DTNB: variants seen among roughly 807,000 people sequenced by gnomAD.
The protein encoded by DTNB is dystrobrevin beta.
DTNB carries 63 observed loss-of-function variants against 90.7 expected under a neutral mutation model. That is an observed-to-expected ratio of 0.69 (90% CI 0.57 to 0.86). The LOEUF is 0.86. DTNB is among the 40% of genes least tolerant of loss of function. The pLI, the probability that DTNB is intolerant of heterozygous loss-of-function variation, is 0.00. For missense variants in DTNB, 744 were observed against 807.1 expected, an observed-to-expected ratio of 0.92 and a Z score of 0.95; for synonymous variants, 277 against 286.7, an observed-to-expected ratio of 0.97 and a Z score of 0.34.
chr2:25,649,978 T>C (rs1244154368), intron 2 of DTNB: 1 of 980,092 alleles, frequency 1.0e-6, no homozygotes, highest in Admixed American at 6.2e-5. Flanking sequence ...CCCATGCAAT[T>C]CTTCCTGTGA....
intron 8 of DTNB, among the ~76,000 whole-genome samples, chr2:25,547,813 T>C (rs867263971): frequency 3.0e-4 from 46 of 152,208 alleles, no homozygotes; most frequent in African/African-American, 1.0e-3. Flanking sequence ...GGAATGTAGA[T>C]CTTTGATTCT....
chr2:25,379,465 C>A, intron 19 of DTNB, 142 bp from the exon 20 acceptor site: 1 of 1,108,852 alleles, frequency 9.0e-7, no homozygotes, highest in Non-Finnish European at 1.2e-6. Context: ...TGACTTTTCC[C>A]ACCCAGGTAT....
intron 16 of DTNB, among the ~76,000 whole-genome samples, chr2:25,407,453 G>A (rs1364843686): frequency 6.6e-6 from 1 of 152,136 alleles, no homozygotes; most frequent in Non-Finnish European, 1.5e-5. Context: ...GTCATTATAT[G>A]AAAAAGACAC....
rs139983639 is a variant in DTNB at position 25,391,084 on chromosome 2, G to A, written c.1576-2723C>T. ...GCTAATTTTTTGTATTTTTCGTAGA[G>A]ACAGGGTTTCACCATGTTAGCCAGG... On this transcript the variant is annotated intron_variant, in intron 16 of 20. Transcript: ENST00000406818. Among the ~76,000 whole-genome samples the A allele has an allele frequency of 8.7e-3, 1,325 of 151,754 alleles. 11 individuals are homozygous for A. The highest frequency in any genetic ancestry group is 0.025 in the East Asian group (126 of 5,116).
intron 12 of DTNB, among the ~76,000 whole-genome samples, chr2:25,436,710 A>G (rs1172466633): frequency 6.6e-6 from 1 of 151,964 alleles, no homozygotes; most frequent in Non-Finnish European, 1.5e-5. Flanking sequence ...TAAATTTTCT[A>G]TATTGTAGTC....
intron 8 of DTNB, among the ~76,000 whole-genome samples, chr2:25,546,479 T>C (rs1191691024): frequency 6.6e-6 from 1 of 152,220 alleles, no homozygotes; most frequent in Admixed American, 6.5e-5. Context: ...CCCTCTTTGT[T>C]TTAAGGAGGC....
At chr2:25,518,531 C>T (rs955074321) in intron 9 of DTNB, among the ~76,000 whole-genome samples, 10 of 152,018 alleles carry the variant, frequency 6.6e-5, no homozygotes, top group African/African-American at 2.2e-4. Context: ...CATATATATG[C>T]ACATGTGTGA....
rs3041261 is a variant in DTNB, at chr2:25,382,519, CTTTTTTTTTTTTT to C, written c.1879+1304_1879+1316del. On this transcript the variant is annotated intron_variant, in intron 19 of 20. Transcript: ENST00000406818. ...GAGTCAGAAAGACCCAGTTCTCTGCCTTTTTTTTTTTTTTTTTTTTTTTTTTTGAGACAGAGTC... is the reference window on the plus strand; with the variant it reads ...GAGTCAGAAAGACCCAGTTCTCTGCCTTTTTTTTTTTTTTGAGACAGAGTC... 6.2e-4 allele frequency among the ~76,000 whole-genome samples: 45 copies of C among 72,052 alleles called. 1 individual carries two copies. The East Asian group carries it at 0.012, about 20-fold the overall frequency. The allele number at this position is 72,052 out of a possible 152,430, so 47.3% of individuals were successfully genotyped here.
chr2:25,534,002 AT>A (rs1363985383), intron 8 of DTNB, among the ~76,000 whole-genome samples: 8 of 139,456 alleles, frequency 5.7e-5, no homozygotes, highest in South Asian at 2.2e-4. Flanking sequence ...TTTTTTTTTA[AT>A]TTTTTTTTAA....
intron 3 of DTNB, among the ~76,000 whole-genome samples, chr2:25,628,814 AAGAG>A (rs1264119914): frequency 5.3e-5 from 8 of 152,224 alleles, no homozygotes; most frequent in African/African-American, 1.7e-4. Flanking sequence ...TATGACCCTA[AAGAG>A]AGAGACAAAT....
intron 6 of DTNB, among the ~76,000 whole-genome samples, chr2:25,586,691 C>T (rs1366923940): frequency 1.3e-5 from 2 of 151,878 alleles, no homozygotes; most frequent in African/African-American, 2.4e-5. Context: ...GGACACAATC[C>T]TAAGATGAAA....
chr2:25,655,064 C>T (rs1432894576), intron 1 of DTNB, among the ~76,000 whole-genome samples: 1 of 152,230 alleles, frequency 6.6e-6, no homozygotes, highest in African/African-American at 2.4e-5. Flanking sequence ...TATCACCAGG[C>T]TACGCTAAGG....
intron 18 of DTNB, among the ~76,000 whole-genome samples, chr2:25,385,611 T>A (rs2039245600): frequency 6.6e-6 from 1 of 152,184 alleles, no homozygotes; most frequent in Non-Finnish European, 1.5e-5. Flanking sequence ...TAGGACCAGC[T>A]TTCCCCCTTC....
intron 2 of DTNB, chr2:25,639,342 G>T (rs768252278): frequency 5.6e-6 from 2 of 354,650 alleles, no homozygotes; most frequent in Non-Finnish European, 1.0e-5. Flanking sequence ...ACTCCAGGGG[G>T]AGGAACACTT....
chr2:25,467,504 G>A (rs1165546655), intron 10 of DTNB, among the ~76,000 whole-genome samples: 2 of 151,960 alleles, frequency 1.3e-5, no homozygotes, highest in African/African-American at 4.8e-5. Context: ...TGGTCTTGCT[G>A]TGTTGCCCAT....
intron 9 of DTNB, among the ~76,000 whole-genome samples, chr2:25,494,093 G>C (rs1405430404): frequency 6.6e-6 from 1 of 152,196 alleles, no homozygotes; most frequent in African/African-American, 2.4e-5. Flanking sequence ...GTGGGGGGAA[G>C]ACAGTGCCTA....
At chr2:25,431,727 C>G (rs2053913016) in intron 14 of DTNB, among the ~76,000 whole-genome samples, 1 of 152,132 alleles carries the variant, frequency 6.6e-6, no homozygotes. Context: ...AAACCAGGCA[C>G]TAGACAACAG....
Position 25,662,681 on chromosome 2 carries a change from A to ACACACAAACACAC in DTNB, c.-1-10021_-1-10020insGTGTGTTTGTGTG, listed in dbSNP as rs35419647. Among the ~76,000 whole-genome samples the ACACACAAACACAC allele has an allele frequency of 2.9e-5, 3 of 104,530 alleles. No individual in the cohort carries two copies. The South Asian group carries it at 9.6e-4, about 33-fold the overall frequency. 68.6% of individuals were successfully genotyped at this position (104,530 alleles called of 152,430 possible). A position where few individuals can be genotyped will look rare whatever the true frequency, so the allele number is the denominator to read the frequency against. On this transcript the variant is annotated intron_variant, in intron 1 of 20. Transcript: ENST00000406818. The stretch of plus-strand genomic sequence containing the variant: ...ACACACACACACACACACACACACA[A>ACACACAAACACAC]ACACACACACACACACACACACACA...
chr2:25,504,195 C>T (rs1054055534), intron 9 of DTNB, among the ~76,000 whole-genome samples: 1 of 151,828 alleles, frequency 6.6e-6, no homozygotes, highest in African/African-American at 2.4e-5. Flanking sequence ...TTGAACCCGG[C>T]AGGCAGAGTT....
Sources: allele counts gnomAD v4.1 joint callset (sites outside exome capture counted in the v4.1 genomes callset), GRCh38; gene constraint gnomAD v4.1.1; transcripts MANE v1.5; gene names NCBI Gene and HGNC (gene_info 2026-07-23, HGNC 2026-07-21).